ITPR2: variants seen among roughly 807,000 people sequenced by gnomAD.
ITPR2 encodes the protein inositol 1,4,5-trisphosphate-gated calcium channel ITPR2.
Under a neutral mutation model 317.1 loss-of-function variants are expected in ITPR2, and 207 were observed. The ratio of observed to expected loss-of-function variants is 0.65; its 90% CI spans 0.58 to 0.73. ITPR2 has a LOEUF of 0.73. Ranked by LOEUF, ITPR2 falls within the 30% of genes least tolerant of loss-of-function variation. The pLI is 0.00. For synonymous variants in ITPR2, 1,156 were observed against 1,149.1 expected, an observed-to-expected ratio of 1.01 and a Z score of -0.12; for missense variants, 2,613 against 3,284.0, an observed-to-expected ratio of 0.80 and a Z score of 4.99.
At chr12:26,364,454 C>A (rs1938941605) in intron 55 of ITPR2, among the ~76,000 whole-genome samples, 1 of 152,164 alleles carries the variant, frequency 6.6e-6, no homozygotes, top group Non-Finnish European at 1.5e-5. Context: ...AAGGTAGATA[C>A]TAGTCAGTGT....
intron 35 of ITPR2, among the ~76,000 whole-genome samples, chr12:26,560,421 T>G (rs1944783091): frequency 6.6e-6 from 1 of 152,194 alleles, no homozygotes; most frequent in Non-Finnish European, 1.5e-5. Context: ...CCTAGTTCAC[T>G]GTATTTTCCA....
intron 48 of ITPR2, among the ~76,000 whole-genome samples, chr12:26,431,347 T>TGGCA (rs1267034559): frequency 6.6e-6 from 1 of 152,232 alleles, no homozygotes; most frequent in Non-Finnish European, 1.5e-5. Context: ...ATATCTGGCG[T>TGGCA]GGCAGCTGTC....
At chr12:26,492,101 A>C (rs1942821106) in intron 39 of ITPR2, among the ~76,000 whole-genome samples, 2 of 152,196 alleles carry the variant, frequency 1.3e-5, no homozygotes, top group African/African-American at 4.8e-5. Context: ...GCTAAGAAGA[A>C]ATGGTAGGAG....
At chr12:26,513,419 C>A (rs1405304022) in intron 37 of ITPR2, among the ~76,000 whole-genome samples, 1 of 152,132 alleles carries the variant, frequency 6.6e-6, no homozygotes, top group Admixed American at 6.5e-5. Flanking sequence ...GATCCAGTGT[C>A]AAAGACTCAT....
At position 26,415,423 on chromosome 12, in the gene ITPR2, T is replaced by A; in HGVS notation, c.7186A>T (p.Ile2396Phe). 6.2e-7 allele frequency: 1 copy of A among 1,612,582 alleles called. No individual in the cohort carries two copies. The highest frequency in any genetic ancestry group is 8.5e-7 in the Non-Finnish European group (1 of 1,179,076). The change falls in exon 51 of 57, where the codon ATT (isoleucine) becomes TTT (phenylalanine). Residue 2396 changes from isoleucine (I) to phenylalanine (F), a missense_variant. By Grantham distance (21) the Ile-to-Phe change is conservative. Coordinates refer to ENST00000381340, the MANE Select transcript of ITPR2 (RefSeq NM_002223.4). ...KSVTRNGRSI[I>F]LTAVLALILV... is the part of the protein sequence containing the mutation. ...ATGAGAGCCAGGACTGCAGTTAGAA[T>A]AATAGAGCGGCCATTTCGTGTGACA...
chr12:26,600,161 T>C lies in ITPR2; in HGVS notation c.3679-52A>G, dbSNP rs776601141. ...AGAAACAAACATAGGAGACAGCAAA[T>C]GTTATGCAAAAATCTCTCCTTCACC... On this transcript the variant is annotated intron_variant, in intron 28 of 56. Transcript: ENST00000381340. 14 of 1,519,120 alleles carry C rather than the reference T, an allele frequency of 9.2e-6. No individual in the cohort carries two copies. The African/African-American group carries it at 1.9e-4, about 21-fold the overall frequency. 94.1% of individuals were successfully genotyped at this position (1,519,120 alleles called of 1,614,324 possible). A position where few individuals can be genotyped will look rare whatever the true frequency, so the allele number is the denominator to read the frequency against.
Position 26,445,195 on chromosome 12 carries a change from T to C in ITPR2, c.6343-1545A>G, listed in dbSNP as rs138274992. On this transcript the variant is annotated intron_variant, in intron 45 of 56. Transcript: ENST00000381340. ...GTTATTGACCTGAGCGACTAATAGT[T>C]TAGAAACGTCATTTACTAAGAAAAA... 7.3e-3 allele frequency among the ~76,000 whole-genome samples: 1,109 copies of C among 152,300 alleles called. 12 individuals are homozygous for C. Among genetic ancestry groups the C allele is most frequent in the South Asian group, 0.024 (116 of 4,830 alleles).
At chr12:26,531,863 T>C in intron 37 of ITPR2, among the ~76,000 whole-genome samples, 1 of 152,214 alleles carries the variant, frequency 6.6e-6, no homozygotes, top group Non-Finnish European at 1.5e-5. Context: ...TGTGAGTCTA[T>C]CTTGAAGTTT....
At chr12:26,533,160 A>G (rs1943990710) in intron 37 of ITPR2, among the ~76,000 whole-genome samples, 1 of 152,110 alleles carries the variant, frequency 6.6e-6, no homozygotes, top group Non-Finnish European at 1.5e-5. Context: ...GTGCTATCAA[A>G]TTTTCAAATT....
chr12:26,392,062 T>C (rs1236456378), intron 54 of ITPR2, among the ~76,000 whole-genome samples: 2 of 152,184 alleles, frequency 1.3e-5, no homozygotes, highest in Non-Finnish European at 2.9e-5. Flanking sequence ...CTAAGCTTCA[T>C]CATCCATTCT....
chr12:26,730,472 A>G (rs1224425219), intron 2 of ITPR2, among the ~76,000 whole-genome samples: 1 of 152,208 alleles, frequency 6.6e-6, no homozygotes, highest in African/African-American at 2.4e-5. Flanking sequence ...CAACATTTCA[A>G]GACTCAAGGA....
At chr12:26,345,846 C>T (rs1224705948) in intron 55 of ITPR2, among the ~76,000 whole-genome samples, 4 of 151,822 alleles carry the variant, frequency 2.6e-5, no homozygotes, top group East Asian at 1.9e-4. Context: ...CTCTCCATGT[C>T]GACTTGTAAT....
chr12:26,663,649 A>G, intron 15 of ITPR2, 36 bp downstream of exon 15: 2 of 1,566,052 alleles, frequency 1.3e-6, no homozygotes, highest in Middle Eastern at 1.7e-4. Flanking sequence ...CATACTTTAC[A>G]TATGAAACAG....
Position 26,533,013 on chromosome 12 carries a change from G to T in ITPR2, c.5073+17234C>A, listed in dbSNP as rs148872901. On this transcript the variant is annotated intron_variant, in intron 37 of 56. Transcript: ENST00000381340. ...GAATAATTCTTTAATTTAATTTGTA[G>T]CAAATAGAAAACCCCAAAGATCCTA... is the stretch of plus-strand genomic sequence containing the variant. 4.2e-3 allele frequency among the ~76,000 whole-genome samples: 635 copies of T among 152,160 alleles called. 4 individuals carry two copies. Among genetic ancestry groups the T allele is most frequent in the African/African-American group, 0.014 (596 of 41,514 alleles).
At chr12:26,588,840 G>T (rs1945608439) in intron 32 of ITPR2, among the ~76,000 whole-genome samples, 1 of 152,170 alleles carries the variant, frequency 6.6e-6, no homozygotes, top group South Asian at 2.1e-4. Context: ...TTATTTCTTG[G>T]TCTAATTTCA....
chr12:26,380,972 C>T (rs1321807127), intron 55 of ITPR2, among the ~76,000 whole-genome samples: 1 of 152,120 alleles, frequency 6.6e-6, no homozygotes, highest in Non-Finnish European at 1.5e-5. Context: ...TTTTTAAGGT[C>T]TTAACAGATC....
At chr12:26,532,041 T>C (rs909790139) in intron 37 of ITPR2, among the ~76,000 whole-genome samples, 4 of 152,208 alleles carry the variant, frequency 2.6e-5, no homozygotes, top group African/African-American at 9.6e-5. Context: ...CTTAAAATTA[T>C]AGGATATTTG....
chr12:26,790,499 T>C (rs1950323024), intron 1 of ITPR2, among the ~76,000 whole-genome samples: 1 of 151,250 alleles, frequency 6.6e-6, no homozygotes, highest in South Asian at 2.1e-4. Context: ...TGTTTAAAAC[T>C]ACATTAAACA....
intron 39 of ITPR2, among the ~76,000 whole-genome samples, chr12:26,489,654 A>C (rs1440829693): frequency 3.9e-5 from 6 of 152,228 alleles, no homozygotes; most frequent in Non-Finnish European, 7.3e-5. Flanking sequence ...CCTTATTGCT[A>C]TCATTAGGTT....
Sources: gnomAD v4.1 joint callset for allele counts (sites outside exome capture counted in the v4.1 genomes callset) on GRCh38, gnomAD v4.1.1 for gene constraint, MANE v1.5 for transcripts, NCBI Gene and HGNC (gene_info 2026-07-23, HGNC 2026-07-21) for gene names.